KIAA2012: variants seen among roughly 807,000 people sequenced by gnomAD.
The protein encoded by KIAA2012 is KIAA2012, also known as uncharacterized protein KIAA2012.
Under a neutral mutation model 150.6 loss-of-function variants are expected in KIAA2012, and 125 were observed. The observed-to-expected ratio is 0.83, with a 90% CI of 0.72 to 0.96. The LOEUF (loss-of-function observed/expected upper bound fraction) is 0.96, where lower values mean the gene tolerates loss of function less well. KIAA2012 is among the 40% of genes least tolerant of loss of function. KIAA2012 has a pLI of 0.00. For synonymous variants in KIAA2012, 462 were observed against 504.7 expected (o/e 0.92, Z 1.13); for missense variants, 1,219 against 1,354.9 (o/e 0.90, Z 1.57).
Position 202,105,766 on chromosome 2 carries a change from C to T in KIAA2012, c.1330C>T (p.Pro444Ser). ...PKEKAHRRGAPHPESEPESSE... is the reference protein window; with the variant it reads ...PKEKAHRRGASHPESEPESSE... ...GCCTCCTCTTTGTCTCCTAGGTGCT[C>T]CACACCCTGAGTCAGAACCAGAAAG... The change falls in exon 9 of 24, where the codon CCA becomes TCA. Residue 444 changes from proline to serine, a missense_variant. Physicochemically the swap from Pro to Ser is moderately conservative, Grantham distance 74. Transcript: ENST00000498697. 1 of 1,550,508 alleles carries T rather than the reference C, an allele frequency of 6.4e-7. No homozygotes were observed. Among genetic ancestry groups the T allele is most frequent in the Non-Finnish European group, 8.7e-7 (1 of 1,146,932 alleles).
At chr2:202,118,137 T>C (rs1189306892) in intron 11 of KIAA2012, among the ~76,000 whole-genome samples, 1 of 152,044 alleles carries the variant, frequency 6.6e-6, no homozygotes, top group Non-Finnish European at 1.5e-5. Flanking sequence ...AATCATAGAG[T>C]CCACAATCCA....
chr2:202,091,214 AT>A (rs1277485983), intron 3 of KIAA2012, among the ~76,000 whole-genome samples: 2 of 152,174 alleles, frequency 1.3e-5, no homozygotes, highest in Non-Finnish European at 2.9e-5. Flanking sequence ...TTTCTTCCCA[AT>A]CTTCTCCACT....
At chr2:202,172,220 T>TATG (rs1441641122) in intron 15 of KIAA2012, among the ~76,000 whole-genome samples, 1 of 152,242 alleles carries the variant, frequency 6.6e-6, no homozygotes, top group African/African-American at 2.4e-5. Flanking sequence ...GCAAAGTGCA[T>TATG]TGTTTCTATT....
intron 14 of KIAA2012, among the ~76,000 whole-genome samples, chr2:202,158,929 A>T (rs1691593587): frequency 6.6e-6 from 1 of 152,242 alleles, no homozygotes; most frequent in African/African-American, 2.4e-5. Flanking sequence ...TGCCCAGAAC[A>T]TCTGAAGAAT....
At chr2:202,137,796 T>C (rs910643593) in intron 12 of KIAA2012, 20 of 152,624 alleles carry the variant, frequency 1.3e-4, no homozygotes, top group African/African-American at 3.4e-4. Flanking sequence ...ATAGAGAACA[T>C]TGACAATGAC....
intron 14 of KIAA2012, among the ~76,000 whole-genome samples, chr2:202,158,144 G>A (rs562433533): frequency 3.3e-5 from 5 of 152,238 alleles, no homozygotes; most frequent in South Asian, 2.1e-4. Context: ...ACAGGCGCCC[G>A]CCACCATGCC....
chr2:202,151,514 G>A (rs1347416483), intron 13 of KIAA2012, among the ~76,000 whole-genome samples: 1 of 151,768 alleles, frequency 6.6e-6, no homozygotes, highest in African/African-American at 2.4e-5. Flanking sequence ...TTGTCATCCA[G>A]CTCTCTCCTC....
chr2:202,179,311 C>A, intron 15 of KIAA2012: 2 of 1,196,490 alleles, frequency 1.7e-6, no homozygotes, highest in Admixed American at 1.7e-5. Flanking sequence ...GAGCGCGGTA[C>A]GGCTTTTCGC....
At chr2:202,193,574 C>T (rs902372154) in intron 20 of KIAA2012, 71 bp downstream of exon 20, 8 of 1,460,958 alleles carry the variant, frequency 5.5e-6, no homozygotes, top group African/African-American at 1.4e-5. Flanking sequence ...GTTGACCTCC[C>T]CTAGGGGCAA....
Position 202,184,760 on chromosome 2 carries a change from G to T in KIAA2012, c.2127G>T (p.Glu709Asp). 1 of 1,541,474 alleles carries T rather than the reference G, an allele frequency of 6.5e-7. No homozygotes were observed. Among genetic ancestry groups the T allele is most frequent in the Non-Finnish European group, 8.7e-7 (1 of 1,144,268 alleles). ...GATACTCTGTTTTCACAGACCCAGA[G>T]CCAAGGAGTATGACCCTTGACTCTC... is the stretch of plus-strand genomic sequence containing the variant. ...RETHHNDQDPEPRSMTLDSPR... is the reference protein window; with the variant it reads ...RETHHNDQDPDPRSMTLDSPR... The change falls in exon 16 of 24, where the codon GAG (glutamate) becomes GAT (aspartate). Residue 709 changes from glutamate (E) to aspartate (D), a missense_variant. By Grantham distance (45) the Glu-to-Asp change is conservative. Coordinates refer to ENST00000498697, the MANE Select transcript of KIAA2012 (RefSeq NM_001277372.4).
chr2:202,201,643 A>G (rs1489985273), intron 22 of KIAA2012: 3 of 1,610,522 alleles, frequency 1.9e-6, no homozygotes, highest in African/African-American at 2.7e-5. Flanking sequence ...GAACCTAAAG[A>G]CCCAACAGCC....
intron 15 of KIAA2012, among the ~76,000 whole-genome samples, chr2:202,182,014 C>T (rs541681346): frequency 6.6e-6 from 1 of 151,770 alleles, no homozygotes; most frequent in South Asian, 2.1e-4. Context: ...CCCCAGACAA[C>T]AACTGATGTG....
At chr2:202,112,140 C>G (rs544990100) in intron 10 of KIAA2012, among the ~76,000 whole-genome samples, 73 of 152,236 alleles carry the variant, frequency 4.8e-4, no homozygotes, top group African/African-American at 1.7e-3. Context: ...TAGGGTAAGG[C>G]CCCTAGGTAG....
intron 2 of KIAA2012, among the ~76,000 whole-genome samples, chr2:202,090,289 T>G (rs1252147639): frequency 2.0e-5 from 3 of 152,174 alleles, no homozygotes; most frequent in Non-Finnish European, 2.9e-5. Flanking sequence ...CTCCCCAGCT[T>G]AAATGAAATG....
chr2:202,093,607 A>G (rs1297155984), intron 4 of KIAA2012, among the ~76,000 whole-genome samples: 3 of 152,212 alleles, frequency 2.0e-5, no homozygotes, highest in Non-Finnish European at 4.4e-5. Flanking sequence ...TTTTTGTGGC[A>G]ATATGATGTG....
chr2:202,092,972 C>A, intron 3 of KIAA2012, 58 bp from the exon 4 acceptor site: 1 of 1,467,090 alleles, frequency 6.8e-7, no homozygotes, highest in Non-Finnish European at 9.2e-7. Context: ...TAGTTACCAC[C>A]AAGAACTTGA....
intron 2 of KIAA2012, among the ~76,000 whole-genome samples, chr2:202,087,969 T>C (rs1011161702): frequency 2.1e-5 from 3 of 144,480 alleles, no homozygotes; most frequent in Non-Finnish European, 4.5e-5. Flanking sequence ...GGATGGAGAA[T>C]ATTCAGGAAA....
intron 17 of KIAA2012, among the ~76,000 whole-genome samples, 168 bp from the exon 18 acceptor site, chr2:202,187,984 C>T (rs1692262227): frequency 6.6e-6 from 1 of 152,180 alleles, no homozygotes; most frequent in African/African-American, 2.4e-5. Context: ...ACCTCTGAGT[C>T]TCCCCATCGG....
chr2:202,155,036 G>C (rs1209953402), intron 14 of KIAA2012, among the ~76,000 whole-genome samples: 1 of 152,116 alleles, frequency 6.6e-6, no homozygotes, highest in African/African-American at 2.4e-5. Context: ...TGGTTTGGGT[G>C]GTGGGGGACA....
Sources: gnomAD v4.1 joint callset for allele counts (sites outside exome capture counted in the v4.1 genomes callset) on GRCh38, gnomAD v4.1.1 for gene constraint, MANE v1.5 for transcripts, NCBI Gene and HGNC (gene_info 2026-07-23, HGNC 2026-07-21) for gene names.